ZNF568: variants seen among roughly 807,000 people sequenced by gnomAD.
ZNF568 encodes zinc finger protein 568.
In ZNF568, 11 loss-of-function variants were observed where a neutral mutation model predicts 18.1. The ratio of observed to expected loss-of-function variants is 0.61; its 90% CI spans 0.38 to 1.00. ZNF568 has a LOEUF of 1.00. Ranked by LOEUF, ZNF568 falls within the 50% of genes least tolerant of loss-of-function variation. The pLI is 0.01. For missense variants in ZNF568, 639 were observed against 768.2 expected (o/e 0.83, Z 1.99); for synonymous variants, 213 against 246.6 (o/e 0.86, Z 1.28).
At chr19:36,959,040 G>T (rs548193904) in intron 6 of ZNF568, among the ~76,000 whole-genome samples, 62 of 152,260 alleles carry the variant, frequency 4.1e-4, no homozygotes, top group Non-Finnish European at 7.3e-4. Context: ...GATTGGTCTG[G>T]CTAGGATTTC....
At chr19:36,921,221 A>C (rs1339823361) in intron 2 of ZNF568, among the ~76,000 whole-genome samples, 2 of 152,036 alleles carry the variant, frequency 1.3e-5, no homozygotes, top group Non-Finnish European at 2.9e-5. Flanking sequence ...CAGCACTTTG[A>C]GAGGCTGAGG....
intron 6 of ZNF568, among the ~76,000 whole-genome samples, chr19:36,957,831 G>A (rs536526453): frequency 6.6e-6 from 1 of 152,326 alleles, no homozygotes; most frequent in South Asian, 2.1e-4. Context: ...GAGTGGGTTT[G>A]ATTTAAAGTA....
downstream of ZNF568, among the ~76,000 whole-genome samples, chr19:36,957,250 T>A (rs1007865442): frequency 3.1e-5 from 3 of 96,748 alleles, no homozygotes; most frequent in East Asian, 4.2e-4. Flanking sequence ...TTTTTTTTTT[T>A]AAATGGAGTC....
At chr19:36,930,908 C>T (rs376946143) in intron 4 of ZNF568, among the ~76,000 whole-genome samples, 1 of 152,158 alleles carries the variant, frequency 6.6e-6, no homozygotes, top group Non-Finnish European at 1.5e-5. Flanking sequence ...AACCCAGCTC[C>T]GTTTTGAAAG....
chr19:36,925,642 G>A (rs2073539353), intron 4 of ZNF568, among the ~76,000 whole-genome samples: 1 of 151,728 alleles, frequency 6.6e-6, no homozygotes, highest in African/African-American at 2.4e-5. Flanking sequence ...TGTAGATTCT[G>A]CATCCATAGA....
At chr19:36,941,085 A>T (rs1319447999) in intron 6 of ZNF568, among the ~76,000 whole-genome samples, 1 of 152,142 alleles carries the variant, frequency 6.6e-6, no homozygotes, top group African/African-American at 2.4e-5. Context: ...TAATCACTGA[A>T]GCTATAGTTT....
intron 4 of ZNF568, among the ~76,000 whole-genome samples, chr19:36,933,894 G>C (rs1257063512): frequency 1.6e-5 from 2 of 123,140 alleles, no homozygotes; most frequent in Admixed American, 8.4e-5. Context: ...TTTTCTTTTG[G>C]GTAGGTTTTT....
At chr19:36,946,110 T>C (rs1023698494) in intron 6 of ZNF568, among the ~76,000 whole-genome samples, 1 of 151,682 alleles carries the variant, frequency 6.6e-6, no homozygotes, top group Non-Finnish European at 1.5e-5. Context: ...ATAATAATGA[T>C]AACAATAATA....
At chr19:36,938,653 T>A (rs1209360206) in intron 6 of ZNF568, among the ~76,000 whole-genome samples, 2 of 152,204 alleles carry the variant, frequency 1.3e-5, no homozygotes, top group African/African-American at 4.8e-5. Flanking sequence ...GTAAAATTCT[T>A]GAACCATACT....
chr19:36,947,396 A>G (rs934911160), intron 6 of ZNF568, among the ~76,000 whole-genome samples: 1 of 152,168 alleles, frequency 6.6e-6, no homozygotes, highest in African/African-American at 2.4e-5. Context: ...GTGTAGGTAC[A>G]TGCCAGCATT....
At chr19:36,958,337 A>G (rs919865014) in intron 6 of ZNF568, among the ~76,000 whole-genome samples, 6 of 152,114 alleles carry the variant, frequency 3.9e-5, no homozygotes, top group Non-Finnish European at 7.4e-5. Context: ...AGGGTAGAGA[A>G]TTGATAAACT....
At chr19:36,927,919 T>A (rs868216121) in intron 4 of ZNF568, among the ~76,000 whole-genome samples, 13 of 93,564 alleles carry the variant, frequency 1.4e-4, no homozygotes, top group Admixed American at 1.2e-4. Context: ...TTTTTTTTTT[T>A]TTTTTTTTTT....
chr19:36,917,635 T>G lies in ZNF568; in HGVS notation c.-199T>G, dbSNP rs1025012306. 1 of 152,270 alleles carries G rather than the reference T, an allele frequency of 6.6e-6. No individual in the cohort carries two copies. Among genetic ancestry groups the G allele is most frequent in the African/African-American group, 2.4e-5 (1 of 41,474 alleles). The allele number at this position is 152,270 out of a possible 1,614,324, so 9.4% of individuals were successfully genotyped here. ...CTTACATCCGTTTATCTTGTTTGACTGTTATTTTAATAGGTGAGTATAGTT... is the reference window on the plus strand; with the variant it reads ...CTTACATCCGTTTATCTTGTTTGACGGTTATTTTAATAGGTGAGTATAGTT... On this transcript the variant is annotated 5_prime_UTR_variant, in exon 2 of 7. Coordinates refer to ENST00000333987, the MANE Select transcript of ZNF568 (RefSeq NM_198539.4).
chr19:36,974,761 T>A (rs542546516), intron 7 of ZNF568, among the ~76,000 whole-genome samples: 290 of 152,262 alleles, frequency 1.9e-3, no homozygotes, highest in Admixed American at 4.2e-3. Flanking sequence ...AATTAGCTTT[T>A]TCAGTCTCAC....
intron 6 of ZNF568, among the ~76,000 whole-genome samples, chr19:36,942,044 C>T (rs868212163): frequency 1.4e-5 from 2 of 147,362 alleles, no homozygotes; most frequent in African/African-American, 5.1e-5. Context: ...AGTGCAATGG[C>T]GTGATCTTTG....
downstream of ZNF568, among the ~76,000 whole-genome samples, chr19:36,955,776 G>T (rs2074103142): frequency 1.3e-5 from 2 of 152,018 alleles, no homozygotes; most frequent in Admixed American, 6.5e-5. Context: ...ATAGATTTCA[G>T]ATACATTTTG....
intron 4 of ZNF568, among the ~76,000 whole-genome samples, chr19:36,933,981 C>T (rs571340): frequency 0.48 from 45,843 of 95,070 alleles, 8,036 homozygotes; most frequent in Non-Finnish European, 0.51. Context: ...TTCATCTTTT[C>T]TTTTTGTTGC....
intron 6 of ZNF568, among the ~76,000 whole-genome samples, chr19:36,970,899 C>T (rs1469459915): frequency 6.6e-6 from 1 of 152,066 alleles, no homozygotes; most frequent in Admixed American, 6.6e-5. Context: ...AGAAAATCTA[C>T]AGTTTCCTCT....
chr19:36,976,926 G>A (rs986572299), intron 7 of ZNF568, among the ~76,000 whole-genome samples: 24 of 151,926 alleles, frequency 1.6e-4, no homozygotes, highest in Non-Finnish European at 2.6e-4. Context: ...AAAAAAGAAA[G>A]GGTAGAGCTG....
Sources: gnomAD v4.1 joint callset for allele counts (sites outside exome capture counted in the v4.1 genomes callset) on GRCh38, gnomAD v4.1.1 for gene constraint, MANE v1.5 for transcripts, NCBI Gene and HGNC (gene_info 2026-07-23, HGNC 2026-07-21) for gene names.